UBE3C: variants seen among roughly 807,000 people sequenced by gnomAD.
UBE3C encodes ubiquitin-protein ligase E3C.
UBE3C carries 42 observed loss-of-function variants against 129.4 expected under a neutral mutation model. The observed-to-expected ratio is 0.32, with a 90% confidence interval of 0.25 to 0.42. The LOEUF is 0.42. Among genes scored for constraint, UBE3C ranks in the 10% least tolerant of loss-of-function variants. The probability of loss-of-function intolerance (pLI) is 1.00; values close to 1 mark genes in which losing one functional copy is unlikely to be tolerated. For missense variants in UBE3C, 1,049 were observed against 1,319.1 expected, an observed-to-expected ratio of 0.80 and a Z score of 3.17; for synonymous variants, 510 against 492.4, an observed-to-expected ratio of 1.04 and a Z score of -0.47.
chr7:157,245,439 C>T (rs898105651), intron 18 of UBE3C, among the ~76,000 whole-genome samples: 3 of 152,160 alleles, frequency 2.0e-5, no homozygotes, highest in Non-Finnish European at 4.4e-5. Flanking sequence ...TCATTCATTT[C>T]GAAGTGATGC....
At chr7:157,259,653 C>G (rs1796845235) in intron 22 of UBE3C, among the ~76,000 whole-genome samples, 1 of 152,186 alleles carries the variant, frequency 6.6e-6, no homozygotes, top group South Asian at 2.1e-4. Context: ...TGTAATTCCA[C>G]TCGGATAAAC....
intron 1 of UBE3C, among the ~76,000 whole-genome samples, chr7:157,157,832 T>C (rs1337165138): frequency 6.6e-6 from 1 of 151,872 alleles, no homozygotes; most frequent in African/African-American, 2.4e-5. Context: ...AGCACAAAAA[T>C]TAGCCAGGCA....
chr7:157,217,116 C>T (rs995324239), intron 14 of UBE3C, 145 bp downstream of exon 14: 2 of 583,054 alleles, frequency 3.4e-6, no homozygotes, highest in Non-Finnish European at 5.9e-6. Context: ...ATTACTAACT[C>T]TTACGCCAAC....
At chr7:157,153,998 G>GC (rs914733611) in intron 1 of UBE3C, among the ~76,000 whole-genome samples, 12 of 151,224 alleles carry the variant, frequency 7.9e-5, no homozygotes, top group African/African-American at 2.9e-4. Context: ...CCCTGTCTGG[G>GC]GGGGGAAAAG....
chr7:157,160,301 C>T (rs889767941), intron 1 of UBE3C, among the ~76,000 whole-genome samples: 7 of 152,148 alleles, frequency 4.6e-5, no homozygotes, highest in African/African-American at 1.7e-4. Flanking sequence ...TCTCGAACTC[C>T]TGACCTCAGG....
chr7:157,222,983 T>C, intron 15 of UBE3C: 1 of 335,902 alleles, frequency 3.0e-6, no homozygotes, highest in Non-Finnish European at 5.6e-6. Flanking sequence ...AGCTGTGCAC[T>C]TGAGACGTGC....
chr7:157,202,633 G>A (rs1397199558), intron 11 of UBE3C, among the ~76,000 whole-genome samples: 1 of 152,094 alleles, frequency 6.6e-6, no homozygotes, highest in East Asian at 1.9e-4. Context: ...GTCCAGCCTG[G>A]GTGAGAGCAA....
intron 18 of UBE3C, among the ~76,000 whole-genome samples, chr7:157,235,978 T>C (rs1796142875): frequency 6.6e-6 from 1 of 152,268 alleles, no homozygotes; most frequent in South Asian, 2.1e-4. Flanking sequence ...GATTGTGATA[T>C]TTATTGGGTC....
chr7:157,244,504 A>G (rs1796426211), intron 18 of UBE3C, among the ~76,000 whole-genome samples: 1 of 152,134 alleles, frequency 6.6e-6, no homozygotes, highest in Non-Finnish European at 1.5e-5. Context: ...AAAGCAAGAC[A>G]TCATCTCTTA....
chr7:157,253,470 G>A (rs903845856), intron 19 of UBE3C, among the ~76,000 whole-genome samples: 5 of 152,176 alleles, frequency 3.3e-5, no homozygotes, highest in South Asian at 2.1e-4. Flanking sequence ...CCTTTGTATC[G>A]TAATTAAAGT....
rs542338423 is a variant in UBE3C, at chr7:157,138,990, G to A, written c.-283G>A. Reference sequence around the variant, plus strand: ...CGGCAGTTCCAGGTGCAAGCGCCGGGTTTGCTGCCCGCTGGGCGCCCCTGC... The same window carrying A: ...CGGCAGTTCCAGGTGCAAGCGCCGGATTTGCTGCCCGCTGGGCGCCCCTGC... On this transcript the variant is annotated 5_prime_UTR_variant, in exon 1 of 23. Coordinates refer to ENST00000348165, the MANE Select transcript of UBE3C (RefSeq NM_014671.3). 1 of 153,082 alleles carries A rather than the reference G, an allele frequency of 6.5e-6. No homozygotes were observed. The highest frequency in any genetic ancestry group is 1.5e-5 in the Non-Finnish European group (1 of 68,912). The allele number at this position is 153,082 out of a possible 1,614,324, so 9.5% of individuals were successfully genotyped here.
At position 157,166,570 on chromosome 7, in the gene UBE3C, A is replaced by G. The variant is rs556936066; in HGVS notation, c.121-2478A>G. Among the ~76,000 whole-genome samples, 182 of 151,996 alleles carry G rather than the reference A, an allele frequency of 1.2e-3. 1 individual carries two copies. The highest frequency in any genetic ancestry group is 4.3e-3 in the African/African-American group (179 of 41,466). ...AGCCTGACCAACATGAAGAAACCCC[A>G]TCTCTACTAAAAATACAAAATTACC... On this transcript the variant is annotated intron_variant, in intron 2 of 22. Transcript: ENST00000348165.
chr7:157,248,598 G>A lies in UBE3C; in HGVS notation c.2694+18G>A, dbSNP rs190217041. 2.8e-5 allele frequency: 45 copies of A among 1,610,988 alleles called. No individual in the cohort carries two copies. In the East Asian group the frequency reaches 9.1e-4, roughly 33 times the overall value. On this transcript the variant is annotated intron_variant, in intron 19 of 22. Coordinates refer to ENST00000348165, the MANE Select transcript of UBE3C (RefSeq NM_014671.3). The stretch of plus-strand genomic sequence containing the variant: ...AGGCGCAGGTGAGGGGTCAGGAGGA[G>A]GATTCACATACCTGTATAGCAAGTA...
intron 18 of UBE3C, among the ~76,000 whole-genome samples, chr7:157,242,867 C>T (rs557433160): frequency 9.9e-4 from 150 of 152,092 alleles, no homozygotes; most frequent in Non-Finnish European, 1.8e-3. Context: ...CCAGCCTGAC[C>T]AACATGGTGA....
intron 13 of UBE3C, among the ~76,000 whole-genome samples, chr7:157,210,210 G>A (rs1193547355): frequency 6.6e-6 from 1 of 151,702 alleles, no homozygotes; most frequent in Admixed American, 6.6e-5. Flanking sequence ...CCTTTTTTTT[G>A]TTGGTGGTGG....
rs1050264081 is a variant in UBE3C at position 157,175,434 on chromosome 7, G to C, written c.458+400G>C. On this transcript the variant is annotated intron_variant, in intron 5 of 22. Transcript: ENST00000348165. ...ATCTTTAGAATACACCTTTCATCAG[G>C]CTTTTTATTATTTATGTAGGAACGC... Among the ~76,000 whole-genome samples the C allele has an allele frequency of 2.0e-5, 3 of 152,166 alleles. No homozygotes were observed. The South Asian group carries it at 6.2e-4, about 32-fold the overall frequency.
intron 18 of UBE3C, among the ~76,000 whole-genome samples, chr7:157,237,728 T>C (rs910349669): frequency 6.6e-6 from 1 of 152,068 alleles, no homozygotes; most frequent in Non-Finnish European, 1.5e-5. Context: ...TGGCTCTTAT[T>C]TGTGCAATAA....
At chr7:157,199,070 CA>C (rs1809205663) in intron 10 of UBE3C, among the ~76,000 whole-genome samples, 1 of 152,174 alleles carries the variant, frequency 6.6e-6, no homozygotes, top group South Asian at 2.1e-4. Flanking sequence ...TGTCTACACA[CA>C]AGGGTCTGGA....
chr7:157,254,060 A>C lies in UBE3C; in HGVS notation c.2801A>C (p.Gln934Pro), dbSNP rs200639306. The stretch of plus-strand genomic sequence containing the variant: ...TACAGGCTGAACAGGCAGATCCGCC[A>C]GCACTGCCTGGCTTTCCGCCAGGGC... ...ADYRLNRQIRQHCLAFRQGLA... is the reference protein window; with the variant it reads ...ADYRLNRQIRPHCLAFRQGLA... Residue 934 changes from glutamine to proline, a missense_variant, in exon 20 of 23, where the codon CAG becomes CCG. By Grantham distance (76) the Gln-to-Pro change is moderately conservative. Transcript: ENST00000348165. The C allele has an allele frequency of 9.7e-5, 157 of 1,613,668 alleles. 1 individual carries two copies. The East Asian group carries it at 2.2e-3, about 22-fold the overall frequency.
Sources: gnomAD v4.1 joint callset for allele counts (sites outside exome capture counted in the v4.1 genomes callset) on GRCh38, gnomAD v4.1.1 for gene constraint, MANE v1.5 for transcripts, NCBI Gene and HGNC (gene_info 2026-07-23, HGNC 2026-07-21) for gene names.